Variants in IDUA observed in about 807,000 individuals in gnomAD.
The protein encoded by IDUA is alpha-L-iduronidase.
In IDUA, 65 loss-of-function variants were observed where a neutral mutation model predicts 68.9. The observed-to-expected ratio is 0.94, with a 90% CI of 0.77 to 1.16. The LOEUF (loss-of-function observed/expected upper bound fraction) is 1.16, where lower values mean the gene tolerates loss of function less well. Among genes scored for constraint, IDUA ranks in the 50% most tolerant of loss-of-function variants. The probability of loss-of-function intolerance (pLI) is 0.00; values close to 1 mark genes in which losing one functional copy is unlikely to be tolerated. For missense variants in IDUA, 1,046 were observed against 938.0 expected, an observed-to-expected ratio of 1.12 and a Z score of -1.50; for synonymous variants, 529 against 433.6, an observed-to-expected ratio of 1.22 and a Z score of -2.73.
intron 2 of IDUA, among the ~76,000 whole-genome samples, chr4:996,189 G>A (rs1714734393): frequency 2.0e-5 from 3 of 152,246 alleles, no homozygotes; most frequent in Admixed American, 1.3e-4. Flanking sequence ...CTCAGCAGTT[G>A]GGAGCTGTGC....
chr4:987,281 G>A (rs923344268), intron 1 of IDUA, 39 bp downstream of exon 1: 1 of 1,503,478 alleles, frequency 6.7e-7, no homozygotes, highest in East Asian at 2.7e-5. Context: ...CTGGCCGCAC[G>A]GGGAGAGCTC....
intron 2 of IDUA, chr4:990,392 G>T: frequency 6.5e-7 from 1 of 1,543,550 alleles, no homozygotes; most frequent in East Asian, 2.3e-5. Flanking sequence ...AGGCCAGCAG[G>T]CGCCTGGCGG....
chr4:997,478 C>T (rs1714808318), intron 2 of IDUA, among the ~76,000 whole-genome samples: 1 of 151,386 alleles, frequency 6.6e-6, no homozygotes, highest in African/African-American at 2.4e-5. Flanking sequence ...TAGCGGCTCA[C>T]GCGCTCGGGC....
intron 2 of IDUA, among the ~76,000 whole-genome samples, chr4:996,780 C>A (rs576757750): frequency 4.6e-5 from 7 of 152,224 alleles, no homozygotes; most frequent in African/African-American, 1.7e-4. Flanking sequence ...GTCCTGTGGC[C>A]AGGCCCAGAG....
In IDUA at chr4:990,261, C is replaced by T. The variant is rs373839581; in HGVS notation, c.299+2312C>T. The stretch of plus-strand genomic sequence containing the variant: ...GCACGCCCAGCAGGTGTTTGAGCTG[C>T]GAGGTCAGGATGGTCACGGAGGCCC... On this transcript the variant is annotated intron_variant, in intron 2 of 13. Transcript: ENST00000514224. 23 of 1,592,570 alleles carry T rather than the reference C, an allele frequency of 1.4e-5. No homozygotes were observed. The highest frequency in any genetic ancestry group is 1.8e-5 in the Admixed American group (1 of 55,862).
chr4:1,000,733 A>T, intron 3 of IDUA, 36 bp downstream of exon 3: 1 of 1,544,264 alleles, frequency 6.5e-7, no homozygotes, highest in Non-Finnish European at 8.9e-7. Flanking sequence ...GCCCGCCTGC[A>T]CCCCCTTGCC....
Position 989,746 on chromosome 4 carries a change from G to T in IDUA, c.299+1797G>T, listed in dbSNP as rs755078988. 54 of 1,557,112 alleles carry T rather than the reference G, an allele frequency of 3.5e-5. No homozygotes were observed. The highest frequency in any genetic ancestry group is 3.9e-5 in the Admixed American group (2 of 51,516). Reference sequence around the variant, plus strand: ...TGTCTTCACCAGGCTCTTGGCCAGGGCGGCGCTGGTGGCGAAGCAGTGGAG... The same window carrying T: ...TGTCTTCACCAGGCTCTTGGCCAGGTCGGCGCTGGTGGCGAAGCAGTGGAG... On this transcript the variant is annotated intron_variant, in intron 2 of 13. Transcript: ENST00000514224.
In IDUA at chr4:1,002,715, C is replaced by CA. The variant is rs201559436; in HGVS notation, c.1190-17_1190-16insA. ...GGCAACGACCCCACGCGGCGACGGC[C>CA]CCCCCCCGCCCCGCAGATGAGGAGC... On this transcript the variant is annotated splice_polypyrimidine_tract_variant and intron_variant, in intron 8 of 13. Coordinates refer to ENST00000514224, the MANE Select transcript of IDUA (RefSeq NM_000203.5). The CA allele has an allele frequency of 7.5e-4, 1,044 of 1,387,568 alleles. 24 individuals are homozygous for CA. The African/African-American group carries it at 0.015, about 20-fold the overall frequency. 86.0% of individuals were successfully genotyped at this position (1,387,568 alleles called of 1,614,324 possible). A position where few individuals can be genotyped will look rare whatever the true frequency, so the allele number is the denominator to read the frequency against.
Position 1,000,663 on chromosome 4 carries a change from C to T in IDUA, c.351C>T (p.Tyr117=), listed in dbSNP as rs753978274. 1.2e-6 allele frequency: 2 copies of T among 1,612,692 alleles called. No homozygotes were observed. Among genetic ancestry groups the T allele is most frequent in the Non-Finnish European group, 1.7e-6 (2 of 1,179,858 alleles). Reference sequence around the variant, plus strand: ...ACAACTTCACCCACCTGGACGGGTACCTGGACCTTCTCAGGGAGAACCAGC... The same window carrying T: ...ACAACTTCACCCACCTGGACGGGTATCTGGACCTTCTCAGGGAGAACCAGC... The part of the protein sequence containing the change: ...LSYNFTHLDG[Y]LDLLRENQLL... Residue 117 remains tyrosine, a synonymous_variant, in exon 3 of 14, where the codon TAC becomes TAT. Transcript: ENST00000514224.
intron 1 of IDUA, 82 bp from the exon 2 acceptor site, chr4:987,727 G>A (rs1713847612): frequency 1.3e-6 from 2 of 1,595,636 alleles, no homozygotes; most frequent in Non-Finnish European, 1.7e-6. Context: ...CGCCCGGGCA[G>A]TCCTGGGCTT....
rs1400882741 is a variant in IDUA at position 1,001,975 on chromosome 4, C to T, written c.793-7C>T. The T allele has an allele frequency of 1.3e-6, 2 of 1,578,794 alleles. No individual in the cohort carries two copies. The highest frequency in any genetic ancestry group is 1.9e-5 in the Admixed American group (1 of 53,434). On this transcript the variant is annotated splice_region_variant and splice_polypyrimidine_tract_variant and intron_variant, in intron 6 of 13. Coordinates refer to ENST00000514224, the MANE Select transcript of IDUA (RefSeq NM_000203.5). Reference sequence around the variant, plus strand: ...CCCTGGTGGTGCTGAGGCGGCCCCGCCCGCAGGGTGCGCGCAGCTCCATCT... The same window carrying T: ...CCCTGGTGGTGCTGAGGCGGCCCCGTCCGCAGGGTGCGCGCAGCTCCATCT...
At chr4:992,007 G>A (rs555288529) in intron 2 of IDUA, 10 of 645,220 alleles carry the variant, frequency 1.5e-5, no homozygotes, top group Admixed American at 1.5e-4. Flanking sequence ...GCTGAGGGGC[G>A]GCGTGGCGGC....
At chr4:991,824 C>T (rs1421813786) in intron 2 of IDUA, 4 of 1,533,022 alleles carry the variant, frequency 2.6e-6, no homozygotes, top group Non-Finnish European at 2.6e-6. Flanking sequence ...GGGGCGGACC[C>T]CTCGCCCACC....
intron 8 of IDUA, 25 bp downstream of exon 8, chr4:1,002,510 C>T (rs1350894624): frequency 3.4e-6 from 5 of 1,480,336 alleles, no homozygotes; most frequent in Non-Finnish European, 4.5e-6. Context: ...CTGGGGTGGG[C>T]CGGCCAGGGC....
intron 2 of IDUA, chr4:993,297 T>C (rs1437530942): frequency 6.6e-6 from 1 of 152,264 alleles, no homozygotes; most frequent in African/African-American, 2.4e-5. Context: ...AGGATGGTTC[T>C]TACCTGAGGG....
At chr4:1,003,005 G>A (rs1394323364) in intron 9 of IDUA, 31 bp from the exon 10 acceptor site, 1 of 1,437,698 alleles carries the variant, frequency 7.0e-7, no homozygotes, top group South Asian at 1.4e-5. Flanking sequence ...GGCGGCCCGG[G>A]GAGCCGAGGC....
At position 991,446 on chromosome 4, in the gene IDUA, C is replaced by G. The variant is rs1714319487; in HGVS notation, c.299+3497C>G. The G allele has an allele frequency of 6.2e-7, 1 of 1,612,638 alleles. No individual in the cohort carries two copies. The highest frequency in any genetic ancestry group is 1.3e-5 in the African/African-American group (1 of 74,926). On this transcript the variant is annotated intron_variant, in intron 2 of 13. Coordinates refer to ENST00000514224, the MANE Select transcript of IDUA (RefSeq NM_000203.5). ...CGGCCAGCAATGAGTAGGCGATGGC[C>G]TGCGGCACCAGGATGATGCCGATGA...
At chr4:988,830 C>T in intron 2 of IDUA, 1 of 1,583,876 alleles carries the variant, frequency 6.3e-7, no homozygotes, top group Non-Finnish European at 8.6e-7. Context: ...AGGCCTGGCC[C>T]TGCTACAGAT....
Position 1,003,365 on chromosome 4 carries a change from C to T in IDUA, c.1545C>T (p.Pro515=). The T allele has an allele frequency of 1.4e-6, 2 of 1,475,942 alleles. No homozygotes were observed. Among genetic ancestry groups the T allele is most frequent in the South Asian group, 1.3e-5 (1 of 76,700 alleles). 91.4% of individuals were successfully genotyped at this position (1,475,942 alleles called of 1,614,324 possible). A position where few individuals can be genotyped will look rare whatever the true frequency, so the allele number is the denominator to read the frequency against. The stretch of plus-strand genomic sequence containing the variant: ...CCCAGGACCCGGTGGCCGCGGCGCC[C>T]CGCCCCTTACCCGCCGGCGGCCGCC... ...RAAEDPVAAA[P]RPLPAGGRLT... Residue 515 remains proline (P), a synonymous_variant, in exon 11 of 14, where the codon CCC becomes CCT. Coordinates refer to ENST00000514224, the MANE Select transcript of IDUA (RefSeq NM_000203.5).
Sources: gnomAD v4.1 joint callset for allele counts (sites outside exome capture counted in the v4.1 genomes callset) on GRCh38, gnomAD v4.1.1 for gene constraint, MANE v1.5 for transcripts, NCBI Gene and HGNC (gene_info 2026-07-23, HGNC 2026-07-21) for gene names.